The following TENT2 variants were observed in gnomAD, a reference collection of about 807,000 sequenced individuals.
TENT2 encodes poly(A) RNA polymerase GLD2.
A neutral mutation model predicts 72.2 loss-of-function variants in TENT2; 44 were observed. That is an observed-to-expected ratio of 0.61 (90% CI 0.48 to 0.78). TENT2 has a LOEUF of 0.78. TENT2 is among the 30% of genes least tolerant of loss of function. The pLI is 0.00. For synonymous variants in TENT2, 212 were observed against 192.5 expected, an observed-to-expected ratio of 1.10 and a Z score of -0.84; for missense variants, 541 against 569.6, an observed-to-expected ratio of 0.95 and a Z score of 0.51.
chr5:79,637,871 C>G (rs1040501454), intron 4 of TENT2, among the ~76,000 whole-genome samples: 64 of 148,566 alleles, frequency 4.3e-4, no homozygotes, highest in African/African-American at 1.6e-3. Context: ...GATCTCAGCT[C>G]ACTGCAACCT....
intron 4 of TENT2, among the ~76,000 whole-genome samples, chr5:79,638,826 C>T (rs1336719210): frequency 1.3e-5 from 2 of 152,052 alleles, no homozygotes; most frequent in Middle Eastern, 3.2e-3. Flanking sequence ...ATTTATTCTC[C>T]TAGTTGCTCT....
At chr5:79,623,587 C>G (rs188280761) in intron 4 of TENT2, 98 bp downstream of exon 4, 3 of 821,004 alleles carry the variant, frequency 3.7e-6, no homozygotes, top group Non-Finnish European at 5.4e-6. Context: ...GTAGAACGTG[C>G]CTTTTTTTGT....
At chr5:79,620,329 A>G (rs1307772889) in intron 3 of TENT2, among the ~76,000 whole-genome samples, 3 of 152,094 alleles carry the variant, frequency 2.0e-5, no homozygotes, top group Non-Finnish European at 4.4e-5. Context: ...CCCCTTTTCT[A>G]TATCCCAGGT....
chr5:79,668,674 C>G, intron 11 of TENT2: 1 of 466,878 alleles, frequency 2.1e-6, no homozygotes, highest in Non-Finnish European at 3.8e-6. Flanking sequence ...GTGATATACT[C>G]AAGCCAAGGA....
intron 4 of TENT2, among the ~76,000 whole-genome samples, chr5:79,627,777 G>A (rs933160505): frequency 2.6e-5 from 4 of 152,154 alleles, no homozygotes; most frequent in Admixed American, 6.5e-5. Flanking sequence ...GATCCACCAC[G>A]CCTGGCTGGA....
chr5:79,642,972 T>G (rs1375871009), intron 7 of TENT2, 62 bp downstream of exon 7: 1 of 1,581,374 alleles, frequency 6.3e-7, no homozygotes, highest in Non-Finnish European at 8.6e-7. Flanking sequence ...AAATGCCTCT[T>G]ACATTATCTT....
intron 4 of TENT2, among the ~76,000 whole-genome samples, chr5:79,624,876 C>G (rs1768144947): frequency 6.6e-6 from 1 of 152,138 alleles, no homozygotes; most frequent in Non-Finnish European, 1.5e-5. Context: ...TATCTGTGTA[C>G]AGATTTTTGC....
chr5:79,639,981 G>T lies in TENT2; in HGVS notation c.466-870G>T, dbSNP rs575461018. Among the ~76,000 whole-genome samples the T allele has an allele frequency of 3.6e-3, 545 of 152,268 alleles. 3 individuals are homozygous for T. Among genetic ancestry groups the T allele is most frequent in the African/African-American group, 0.012 (516 of 41,552 alleles). On this transcript the variant is annotated intron_variant, in intron 4 of 14. Transcript: ENST00000453514. The stretch of plus-strand genomic sequence containing the variant: ...GTAGATAAAAGGGTGGTAGGGCCGG[G>T]TGTGATGGCTCACACCTGTAATCCC...
At chr5:79,616,440 C>A (rs914105198) in intron 1 of TENT2, among the ~76,000 whole-genome samples, 1 of 151,976 alleles carries the variant, frequency 6.6e-6, no homozygotes, top group African/African-American at 2.4e-5. Flanking sequence ...GGTGATCCAT[C>A]TGCTTCGGCC....
chr5:79,632,677 AGG>A (rs1776498595), intron 4 of TENT2, among the ~76,000 whole-genome samples: 1 of 152,170 alleles, frequency 6.6e-6, no homozygotes, highest in Non-Finnish European at 1.5e-5. Flanking sequence ...AAATTTGAGA[AGG>A]GGCAAATTTT....
chr5:79,682,579 C>T (rs1276363103), intron 14 of TENT2, among the ~76,000 whole-genome samples: 1 of 151,916 alleles, frequency 6.6e-6, no homozygotes, highest in East Asian at 1.9e-4. Flanking sequence ...GCCACCATGC[C>T]CTACCGAAAT....
At chr5:79,647,333 G>C (rs1190300724) in intron 8 of TENT2, among the ~76,000 whole-genome samples, 3 of 152,140 alleles carry the variant, frequency 2.0e-5, no homozygotes, top group African/African-American at 7.2e-5. Flanking sequence ...AGGAACTGTG[G>C]ATATTTTTAA....
intron 4 of TENT2, among the ~76,000 whole-genome samples, chr5:79,637,552 T>C (rs1014735995): frequency 1.3e-5 from 2 of 151,950 alleles, no homozygotes; most frequent in Admixed American, 6.6e-5. Context: ...TCAGCCTCCC[T>C]AGTAGCTGAG....
intron 11 of TENT2, among the ~76,000 whole-genome samples, chr5:79,666,838 C>A (rs1223284456): frequency 1.3e-5 from 2 of 152,142 alleles, no homozygotes; most frequent in Non-Finnish European, 2.9e-5. Context: ...TCCCAAAGTG[C>A]TGGGATTACA....
At chr5:79,630,871 C>G (rs1355965916) in intron 4 of TENT2, among the ~76,000 whole-genome samples, 3 of 147,970 alleles carry the variant, frequency 2.0e-5, no homozygotes, top group African/African-American at 7.6e-5. Flanking sequence ...TTTATTTTCA[C>G]TGCACTATGG....
chr5:79,663,824 G>C (rs559243294), intron 11 of TENT2, among the ~76,000 whole-genome samples: 1 of 152,150 alleles, frequency 6.6e-6, no homozygotes, highest in Admixed American at 6.5e-5. Flanking sequence ...TAGATGCACC[G>C]TTGCCATAAA....
At chr5:79,670,171 A>G (rs370761244) in intron 12 of TENT2, among the ~76,000 whole-genome samples, 106 of 150,682 alleles carry the variant, frequency 7.0e-4, no homozygotes, top group African/African-American at 2.5e-3. Context: ...GTAAGCTGAG[A>G]TTGTGCCATT....
At chr5:79,644,431 G>A (rs1447510750) in intron 7 of TENT2, among the ~76,000 whole-genome samples, 2 of 151,890 alleles carry the variant, frequency 1.3e-5, no homozygotes, top group African/African-American at 4.8e-5. Flanking sequence ...ACACACTTCT[G>A]TATTTTCCTA....
chr5:79,655,628 G>A (rs1163197143), intron 10 of TENT2, among the ~76,000 whole-genome samples: 2 of 151,972 alleles, frequency 1.3e-5, no homozygotes, highest in Non-Finnish European at 2.9e-5. Context: ...ATTAAAGTGA[G>A]TGGGGTTTGA....
Sources: allele counts gnomAD v4.1 joint callset (sites outside exome capture counted in the v4.1 genomes callset), GRCh38; gene constraint gnomAD v4.1.1; transcripts MANE v1.5; gene names NCBI Gene and HGNC (gene_info 2026-07-23, HGNC 2026-07-21).